TULP4: variants seen among roughly 807,000 people sequenced by gnomAD.
The protein encoded by TULP4 is tubby-related protein 4.
A neutral mutation model predicts 129.0 loss-of-function variants in TULP4; 16 were observed. The observed-to-expected ratio is 0.12, with a 90% CI of 0.08 to 0.19. The LOEUF (loss-of-function observed/expected upper bound fraction) is 0.19. TULP4 is among the 10% of genes least tolerant of loss of function. The pLI is 1.00. For synonymous variants in TULP4, 998 were observed against 854.0 expected, an observed-to-expected ratio of 1.17 and a Z score of -2.94; for missense variants, 1,842 against 2,059.1, an observed-to-expected ratio of 0.89 and a Z score of 2.04.
chr6:158,506,516 C>A, intron 13 of TULP4, 62 bp from the exon 14 acceptor site: 1 of 1,108,058 alleles, frequency 9.0e-7, no homozygotes, highest in Non-Finnish European at 1.4e-6. Flanking sequence ...CAGGCGTGAG[C>A]CACTGCGCCT....
At chr6:158,453,542 G>C (rs1779215772) in intron 5 of TULP4, among the ~76,000 whole-genome samples, 1 of 143,282 alleles carries the variant, frequency 7.0e-6, no homozygotes, top group Non-Finnish European at 1.5e-5. Context: ...TGTAATCCCA[G>C]CACTTTGGGA....
intron 1 of TULP4, among the ~76,000 whole-genome samples, chr6:158,354,607 C>T (rs1197416963): frequency 6.6e-6 from 1 of 152,006 alleles, no homozygotes; most frequent in Non-Finnish European, 1.5e-5. Context: ...AAATGTTTGC[C>T]CTTGGCTGGG....
intron 1 of TULP4, among the ~76,000 whole-genome samples, chr6:158,346,837 T>C (rs1780325396): frequency 6.6e-6 from 1 of 152,234 alleles, no homozygotes; most frequent in Non-Finnish European, 1.5e-5. Context: ...TCTGTAATTG[T>C]CTGATCTGCT....
chr6:158,403,867 C>T (rs749406435), intron 1 of TULP4, among the ~76,000 whole-genome samples: 11 of 152,244 alleles, frequency 7.2e-5, no homozygotes, highest in Admixed American at 2.0e-4. Context: ...GCGTGTGTGG[C>T]GTCTTTACAT....
At position 158,351,283 on chromosome 6, in the gene TULP4, A is replaced by T. The variant is rs148274566; in HGVS notation, c.252+37015A>T. Among the ~76,000 whole-genome samples the T allele has an allele frequency of 9.2e-5, 14 of 152,320 alleles. No individual in the cohort carries two copies. In the East Asian group the frequency reaches 2.7e-3, roughly 29 times the overall value. On this transcript the variant is annotated intron_variant, in intron 1 of 13. Coordinates refer to ENST00000367097, the MANE Select transcript of TULP4 (RefSeq NM_020245.5). The stretch of plus-strand genomic sequence containing the variant: ...TTAGTGCAGAACTGCCTTGTGGCTC[A>T]GCCTGTGTAGCTGAGATGAGCATTT...
intron 1 of TULP4, chr6:158,238,397 G>T: frequency 5.6e-6 from 3 of 536,908 alleles, no homozygotes; most frequent in Non-Finnish European, 1.0e-5. Context: ...TACATAGCAA[G>T]TAATGCCTTG....
At chr6:158,505,484 C>T (rs9355658) in intron 13 of TULP4, among the ~76,000 whole-genome samples, 1 of 152,138 alleles carries the variant, frequency 6.6e-6, no homozygotes, top group Admixed American at 6.5e-5. Flanking sequence ...TGGTAAAAAC[C>T]GTGTGACCCA....
At chr6:158,279,584 GT>G (rs2128465764), upstream of TULP4, among the ~76,000 whole-genome samples, 1 of 152,230 alleles carries the variant, frequency 6.6e-6, no homozygotes, top group African/African-American at 2.4e-5. Flanking sequence ...ACAAAAATTA[GT>G]TTCAAATTAC....
intron 1 of TULP4, among the ~76,000 whole-genome samples, chr6:158,307,403 A>T (rs890664864): frequency 6.6e-6 from 1 of 152,240 alleles, no homozygotes; most frequent in Non-Finnish European, 1.5e-5. Context: ...GTTAGTTGCA[A>T]TGTAGAATTT....
intron 1 of TULP4, among the ~76,000 whole-genome samples, chr6:158,277,073 G>A (rs1422947941): frequency 6.6e-6 from 1 of 152,112 alleles, no homozygotes; most frequent in Non-Finnish European, 1.5e-5. Flanking sequence ...CCAAGTAGCT[G>A]GGACTACAGG....
At position 158,508,078 on chromosome 6, in the gene TULP4, C is replaced by G. The variant is rs982675100; in HGVS notation, c.*1384C>G. 1.3e-5 allele frequency: 2 copies of G among 152,238 alleles called. No individual in the cohort carries two copies. The highest frequency in any genetic ancestry group is 4.1e-4 in the South Asian group (2 of 4,834). 9.4% of individuals were successfully genotyped at this position (152,238 alleles called of 1,614,324 possible). ...AAATTACCTAGAATATCTCTTCCCA[C>G]TTCCTCGTCCTCGTGAGAACCTGTG... On this transcript the variant is annotated 3_prime_UTR_variant, in exon 14 of 14. Coordinates refer to ENST00000367097, the MANE Select transcript of TULP4 (RefSeq NM_020245.5).
intron 6 of TULP4, among the ~76,000 whole-genome samples, chr6:158,472,109 T>C (rs582892): frequency 0.61 from 92,610 of 152,052 alleles, 29,055 homozygotes; most frequent in African/African-American, 0.76. Context: ...TAAAGCTGCC[T>C]AGTGGATTGA....
At chr6:158,256,305 A>G (rs1355729110) in intron 1 of TULP4, among the ~76,000 whole-genome samples, 1 of 152,114 alleles carries the variant, frequency 6.6e-6, no homozygotes, top group Non-Finnish European at 1.5e-5. Context: ...GTGTTTCTGT[A>G]TGTATGTATA....
intron 1 of TULP4, among the ~76,000 whole-genome samples, chr6:158,317,387 G>A (rs1349423578): frequency 1.5e-5 from 2 of 132,986 alleles, no homozygotes; most frequent in African/African-American, 5.7e-5. Flanking sequence ...TCATTGTTCA[G>A]TTCCCACCTA....
chr6:158,285,494 C>T (rs974209622), intron 1 of TULP4, among the ~76,000 whole-genome samples: 4 of 152,170 alleles, frequency 2.6e-5, no homozygotes, highest in African/African-American at 9.7e-5. Flanking sequence ...TGATTCCTAC[C>T]TGAATTCCTG....
intron 1 of TULP4, among the ~76,000 whole-genome samples, chr6:158,299,928 ATGT>A (rs1203008354): frequency 1.3e-5 from 2 of 152,172 alleles, no homozygotes; most frequent in African/African-American, 2.4e-5. Flanking sequence ...GAACAGGGGG[ATGT>A]TATTTTCAGG....
intron 5 of TULP4, among the ~76,000 whole-genome samples, chr6:158,453,608 G>T (rs1269058897): frequency 1.3e-5 from 2 of 150,428 alleles, no homozygotes; most frequent in East Asian, 3.9e-4. Context: ...GGCCAACATC[G>T]TGAAACCTCG....
At position 158,468,086 on chromosome 6, in the gene TULP4, C is replaced by T. The variant is rs114757275; in HGVS notation, c.1026+6357C>T. ...CAGCTGTGTGGGAGCCGCTTACAGACTCCCTGCTGAGTCGTGTAAACAGTT... is the reference window on the plus strand; with the variant it reads ...CAGCTGTGTGGGAGCCGCTTACAGATTCCCTGCTGAGTCGTGTAAACAGTT... On this transcript the variant is annotated intron_variant, in intron 6 of 13. Coordinates refer to ENST00000367097, the MANE Select transcript of TULP4 (RefSeq NM_020245.5). Among the ~76,000 whole-genome samples, 1,006 of 152,328 alleles carry T rather than the reference C, an allele frequency of 6.6e-3. 6 individuals carry two copies. The highest frequency in any genetic ancestry group is 0.022 in the African/African-American group (921 of 41,570).
At chr6:158,397,509 G>GT (rs981490095) in intron 1 of TULP4, among the ~76,000 whole-genome samples, 19 of 151,294 alleles carry the variant, frequency 1.3e-4, no homozygotes, top group African/African-American at 3.4e-4. Flanking sequence ...AAAACATTGA[G>GT]TTTTTTTTGC....
Sources: gnomAD v4.1 joint callset for allele counts (sites outside exome capture counted in the v4.1 genomes callset) on GRCh38, gnomAD v4.1.1 for gene constraint, MANE v1.5 for transcripts, NCBI Gene and HGNC (gene_info 2026-07-23, HGNC 2026-07-21) for gene names.